Variants in REG4 observed in about 807,000 individuals in gnomAD.
REG4 encodes regenerating islet-derived protein 4.
A neutral mutation model predicts 22.3 loss-of-function variants in REG4; 16 were observed. The ratio of observed to expected loss-of-function variants is 0.72; its 90% CI spans 0.49 to 1.09. REG4 has a LOEUF of 1.09. Among genes scored for constraint, REG4 ranks in the 50% least tolerant of loss-of-function variants. REG4 has a pLI of 0.00. For missense variants in REG4, 214 were observed against 193.9 expected, an observed-to-expected ratio of 1.10 and a Z score of -0.61; for synonymous variants, 71 against 69.2, an observed-to-expected ratio of 1.03 and a Z score of -0.13.
At position 119,794,541 on chromosome 1, in the gene REG4, A is replaced by G; in HGVS notation, c.*77T>C. On this transcript the variant is annotated 3_prime_UTR_variant, in exon 6 of 6. Coordinates refer to ENST00000256585, the MANE Select transcript of REG4 (RefSeq NM_032044.4). ...TTTGCTAGGTTTCCCCTCTGAAATA[A>G]TGAGCAGATTTAGCCAGGCTAGCAG... 2.3e-6 allele frequency: 3 copies of G among 1,321,946 alleles called. No homozygotes were observed. The highest frequency in any genetic ancestry group is 3.3e-6 in the Non-Finnish European group (3 of 914,070). 81.9% of individuals were successfully genotyped at this position (1,321,946 alleles called of 1,614,324 possible). A position where few individuals can be genotyped will look rare whatever the true frequency, so the allele number is the denominator to read the frequency against.
At chr1:119,809,404 C>A (rs1654429796) in intron 1 of REG4, among the ~76,000 whole-genome samples, 1 of 152,174 alleles carries the variant, frequency 6.6e-6, no homozygotes, top group Non-Finnish European at 1.5e-5. Flanking sequence ...TAGTTGACAT[C>A]ATTTTTAAAA....
chr1:119,803,730 T>A (rs1654200503), intron 2 of REG4, among the ~76,000 whole-genome samples: 1 of 152,190 alleles, frequency 6.6e-6, no homozygotes, highest in Admixed American at 6.5e-5. Context: ...GTTTGGAGCA[T>A]TCCAAGGAGG....
chr1:119,807,534 A>G (rs1384081174), intron 2 of REG4, among the ~76,000 whole-genome samples: 2 of 152,242 alleles, frequency 1.3e-5, no homozygotes, highest in Non-Finnish European at 2.9e-5. Flanking sequence ...AAGTCAGCAC[A>G]GAACAAGAGT....
rs776314663 is a variant in REG4, at chr1:119,794,121, G to A, written c.*497C>T. On this transcript the variant is annotated 3_prime_UTR_variant, in exon 6 of 6. Coordinates refer to ENST00000256585, the MANE Select transcript of REG4 (RefSeq NM_032044.4). ...CAATGGTTTATTAAAGGAATGTATGGCCCACATCAACCTAGCAAGGATTCT... is the reference window on the plus strand; with the variant it reads ...CAATGGTTTATTAAAGGAATGTATGACCCACATCAACCTAGCAAGGATTCT... 5.6e-6 allele frequency: 3 copies of A among 533,576 alleles called. No homozygotes were observed. The highest frequency in any genetic ancestry group is 1.2e-5 in the Non-Finnish European group (3 of 260,108). 33.1% of individuals were successfully genotyped at this position (533,576 alleles called of 1,614,324 possible). A position where few individuals can be genotyped will look rare whatever the true frequency, so the allele number is the denominator to read the frequency against.
chr1:119,809,685 T>G (rs1418114131), intron 1 of REG4, among the ~76,000 whole-genome samples: 1 of 152,198 alleles, frequency 6.6e-6, no homozygotes, highest in Non-Finnish European at 1.5e-5. Flanking sequence ...TTTTTATTTT[T>G]TCTTTAGTAT....
chr1:119,799,845 GTAA>G lies in REG4; in HGVS notation c.180_182del (p.Tyr61del), dbSNP rs760496345. 2.2e-5 allele frequency: 35 copies of G among 1,614,072 alleles called. No individual in the cohort carries two copies. In the South Asian group the frequency reaches 3.8e-4, roughly 18 times the overall value. On this transcript the variant is annotated inframe_deletion, in exon 4 of 6. Coordinates refer to ENST00000256585, the MANE Select transcript of REG4 (RefSeq NM_032044.4). ...TAGATGCCAGGTGGGCTCCGTTTCC[GTAA>G]GACTGACACTCGAGCTATGTACAAG...
At chr1:119,801,324 A>G (rs1250310841) in intron 3 of REG4, 1 of 152,162 alleles carries the variant, frequency 6.6e-6, no homozygotes. Flanking sequence ...ATTAGATGTG[A>G]TTACTATTTA....
chr1:119,802,655 C>T (rs1654147137), intron 3 of REG4: 10 of 1,363,448 alleles, frequency 7.3e-6, no homozygotes, highest in South Asian at 4.1e-5. Context: ...CTTCTGTCAG[C>T]GGCTCCAAGG....
chr1:119,798,500 T>G lies in REG4; in HGVS notation c.406A>C (p.Asn136His), dbSNP rs1176172083. Residue 136 changes from asparagine (N) to histidine (H), a missense_variant, in exon 5 of 6, where the codon AAC becomes CAC. Coordinates refer to ENST00000256585, the MANE Select transcript of REG4 (RefSeq NM_032044.4). ...NKHCAEMSSN[N>H]NFLTWSSNEC... ...GGGGTGGTGCATTATAACTTACTGT[T>G]ATTGGAGCTCATCTCAGCACAGTGC... 6.2e-7 allele frequency: 1 copy of G among 1,612,676 alleles called. No individual in the cohort carries two copies. The highest frequency in any genetic ancestry group is 8.5e-7 in the Non-Finnish European group (1 of 1,178,678).
Position 119,796,718 on chromosome 1 carries a change from C to T in REG4, c.409+1779G>A, listed in dbSNP as rs150877341. On this transcript the variant is annotated intron_variant, in intron 5 of 5. Transcript: ENST00000256585. The stretch of plus-strand genomic sequence containing the variant: ...TTGAGAGCCTGTGTTCTGACAGCCA[C>T]GAGCTGGGTAAGTAACCATGGGAAA... Among the ~76,000 whole-genome samples, 980 of 152,230 alleles carry T rather than the reference C, an allele frequency of 6.4e-3. 4 individuals are homozygous for T. Among genetic ancestry groups the T allele is most frequent in the Non-Finnish European group, 0.01 (709 of 68,026 alleles).
chr1:119,805,970 C>T (rs1177466579), intron 2 of REG4, among the ~76,000 whole-genome samples: 3 of 152,206 alleles, frequency 2.0e-5, no homozygotes, highest in Non-Finnish European at 2.9e-5. Flanking sequence ...CCACTCCCAT[C>T]GCCCAGGCTG....
intron 2 of REG4, among the ~76,000 whole-genome samples, chr1:119,803,934 T>C (rs768263711): frequency 5.3e-5 from 8 of 152,168 alleles, no homozygotes; most frequent in Non-Finnish European, 7.4e-5. Flanking sequence ...CAGGCAACCA[T>C]GGCAGAAATA....
intron 2 of REG4, 70 bp from the exon 3 acceptor site, chr1:119,803,235 T>C (rs1654178606): frequency 6.9e-7 from 1 of 1,444,646 alleles, no homozygotes; most frequent in South Asian, 1.6e-5. Flanking sequence ...TTGATACAGT[T>C]TGCAATCAGG....
In REG4 at chr1:119,802,237, T is replaced by A. The variant is rs587705997; in HGVS notation, c.165+831A>T. On this transcript the variant is annotated intron_variant, in intron 3 of 5. Transcript: ENST00000256585. ...TACTCTCAGTGTAAACTTGGGAAAG[T>A]CATTTATACTCATGCTGTATGGAAA... 6 of 747,576 alleles carry A rather than the reference T, an allele frequency of 8.0e-6. No homozygotes were observed. The East Asian group carries it at 7.8e-4, about 97-fold the overall frequency. 46.3% of individuals were successfully genotyped at this position (747,576 alleles called of 1,614,324 possible). A position where few individuals can be genotyped will look rare whatever the true frequency, so the allele number is the denominator to read the frequency against.
At chr1:119,803,696 G>C (rs971929540) in intron 2 of REG4, among the ~76,000 whole-genome samples, 1 of 152,234 alleles carries the variant, frequency 6.6e-6, no homozygotes, top group Non-Finnish European at 1.5e-5. Context: ...CATCACAAGA[G>C]TGGATGAGGG....
intron 2 of REG4, among the ~76,000 whole-genome samples, chr1:119,806,340 C>T (rs879874034): frequency 1.3e-5 from 2 of 152,138 alleles, no homozygotes; most frequent in African/African-American, 2.4e-5. Context: ...TGTCATTATT[C>T]CTACGTTCCA....
chr1:119,805,215 G>C (rs1350684669), intron 2 of REG4, among the ~76,000 whole-genome samples: 1 of 152,196 alleles, frequency 6.6e-6, no homozygotes, highest in Non-Finnish European at 1.5e-5. Context: ...ATCTTCTTAA[G>C]AGAAGGCTGG....
Position 119,799,726 on chromosome 1 carries a change from T to C in REG4, c.302A>G (p.Lys101Arg), listed in dbSNP as rs779918758. 1.2e-6 allele frequency: 2 copies of C among 1,613,494 alleles called. No homozygotes were observed. The highest frequency in any genetic ancestry group is 4.5e-5 in the East Asian group (2 of 44,858). Reference sequence around the variant, plus strand: ...CTTTGTGGCCAAGTCTGAGGTTACCTTCTGTGGGTCGTGCAGGCCAATCCA... The same window carrying C: ...CTTTGTGGCCAAGTCTGAGGTTACCCTCTGTGGGTCGTGCAGGCCAATCCA... ...PIWIGLHDPQ[K>R]RQQWQWIDGA... Residue 101 changes from lysine to arginine, a missense_variant and splice_region_variant, in exon 4 of 6, where the codon AAG (lysine) becomes AGG (arginine). Lys to Arg is a conservative substitution (Grantham distance 26). Transcript: ENST00000256585.
intron 2 of REG4, among the ~76,000 whole-genome samples, chr1:119,805,850 C>G (rs1367960807): frequency 6.6e-6 from 1 of 152,132 alleles, no homozygotes; most frequent in African/African-American, 2.4e-5. Context: ...CTCTGCCCCA[C>G]ACTCTGCAAG....
Sources: gnomAD v4.1 joint callset for allele counts (sites outside exome capture counted in the v4.1 genomes callset) on GRCh38, gnomAD v4.1.1 for gene constraint, MANE v1.5 for transcripts, NCBI Gene and HGNC (gene_info 2026-07-23, HGNC 2026-07-21) for gene names.